NMNAT2: variants seen among roughly 807,000 people sequenced by gnomAD.
NMNAT2 encodes nicotinamide/nicotinic acid mononucleotide adenylyltransferase 2.
In NMNAT2, 11 loss-of-function variants were observed where a neutral mutation model predicts 41.6. The ratio of observed to expected loss-of-function variants is 0.26; its 90% confidence interval spans 0.17 to 0.44. The LOEUF (loss-of-function observed/expected upper bound fraction) is 0.44. NMNAT2 is among the 20% of genes least tolerant of loss of function. NMNAT2 has a pLI of 1.00. For synonymous variants in NMNAT2, 148 were observed against 151.2 expected (o/e 0.98, Z 0.16); for missense variants, 288 against 407.7 (o/e 0.71, Z 2.53).
In NMNAT2 at chr1:183,284,033, T is replaced by C; in HGVS notation, c.536A>G (p.Asn179Ser). The change falls in exon 7 of 11, where the codon AAT (asparagine) becomes AGT (serine). Residue 179 changes from asparagine to serine, a missense_variant. This residue lies in a region of NMNAT2 where 181 missense variants were observed against 213.7 expected (regional missense o/e 0.85). Coordinates refer to ENST00000287713, the MANE Select transcript of NMNAT2 (RefSeq NM_015039.4). ...CCGCATCACCGTGCCCAGATTGGCA[T>C]TCTCATCTAAGGAGGAAAGAAGGAA... is the stretch of plus-strand genomic sequence containing the variant. ...PVERFTFVDE[N>S]ANLGTVMRYE... 4 of 1,613,560 alleles carry C rather than the reference T, an allele frequency of 2.5e-6. No homozygotes were observed. The highest frequency in any genetic ancestry group is 3.4e-6 in the Non-Finnish European group (4 of 1,179,800).
intron 1 of NMNAT2, among the ~76,000 whole-genome samples, chr1:183,324,875 A>T (rs539299761): frequency 6.6e-6 from 1 of 152,242 alleles, no homozygotes; most frequent in African/African-American, 2.4e-5. Context: ...CTTCATCACC[A>T]TTACATGCCT....
chr1:183,252,119 C>T lies in NMNAT2; in HGVS notation c.*522G>A, dbSNP rs1346748323. On this transcript the variant is annotated 3_prime_UTR_variant, in exon 11 of 11. Coordinates refer to ENST00000287713, the MANE Select transcript of NMNAT2 (RefSeq NM_015039.4). Reference sequence around the variant, plus strand: ...AAGAACCATGGACACTGATTTCATCCAAGTTCTACAGGGAGTGAACAAAGA... The same window carrying T: ...AAGAACCATGGACACTGATTTCATCTAAGTTCTACAGGGAGTGAACAAAGA... The T allele has an allele frequency of 6.5e-6, 1 of 154,656 alleles. No individual in the cohort carries two copies. Among genetic ancestry groups the T allele is most frequent in the Admixed American group, 6.4e-5 (1 of 15,690 alleles). The allele number at this position is 154,656 out of a possible 1,614,324, so 9.6% of individuals were successfully genotyped here.
At chr1:183,392,122 A>G (rs1233400895) in intron 1 of NMNAT2, among the ~76,000 whole-genome samples, 2 of 152,150 alleles carry the variant, frequency 1.3e-5, no homozygotes, top group African/African-American at 2.4e-5. Context: ...TGCTTACTCA[A>G]CATCTCCACT....
chr1:183,322,400 C>T (rs1234493831), intron 1 of NMNAT2, among the ~76,000 whole-genome samples: 2 of 152,182 alleles, frequency 1.3e-5, no homozygotes, highest in African/African-American at 2.4e-5. Flanking sequence ...CCTTGTACTG[C>T]ACCTGCAGCC....
At chr1:183,328,415 T>C (rs1662513632) in intron 1 of NMNAT2, among the ~76,000 whole-genome samples, 1 of 152,204 alleles carries the variant, frequency 6.6e-6, no homozygotes, top group Non-Finnish European at 1.5e-5. Flanking sequence ...AGAATGCTCT[T>C]CTAGAATTTG....
intron 1 of NMNAT2, among the ~76,000 whole-genome samples, chr1:183,342,828 G>A (rs535797371): frequency 5.9e-5 from 9 of 151,800 alleles, no homozygotes; most frequent in Non-Finnish European, 1.2e-4. Flanking sequence ...TGACCTCCTG[G>A]GCTCAAGTGA....
chr1:183,417,383 T>G (rs1021523397), intron 1 of NMNAT2, among the ~76,000 whole-genome samples: 1 of 151,926 alleles, frequency 6.6e-6, no homozygotes, highest in Non-Finnish European at 1.5e-5. Context: ...CGCACATTCG[T>G]ACACACACTA....
chr1:183,367,826 G>A (rs1213071882), intron 1 of NMNAT2, among the ~76,000 whole-genome samples: 2 of 152,070 alleles, frequency 1.3e-5, no homozygotes, highest in African/African-American at 2.4e-5. Context: ...ATAAATAGAA[G>A]TGCCAATATT....
At chr1:183,274,411 A>C (rs564885833) in intron 8 of NMNAT2, among the ~76,000 whole-genome samples, 1 of 152,144 alleles carries the variant, frequency 6.6e-6, no homozygotes, top group East Asian at 2.0e-4. Flanking sequence ...TCCCGGGTTC[A>C]AGCGATTCTC....
intron 3 of NMNAT2, 41 bp from the exon 4 acceptor site, chr1:183,290,247 C>T (rs1661505948): frequency 1.4e-6 from 2 of 1,476,620 alleles, no homozygotes; most frequent in Non-Finnish European, 1.9e-6. Flanking sequence ...TTTCTGTTCT[C>T]ATATTCTTTC....
intron 1 of NMNAT2, among the ~76,000 whole-genome samples, chr1:183,417,949 C>G (rs1649301499): frequency 6.6e-6 from 1 of 152,162 alleles, no homozygotes; most frequent in Non-Finnish European, 1.5e-5. Context: ...CTCCCATCCC[C>G]CACCTTTGGC....
intron 5 of NMNAT2, among the ~76,000 whole-genome samples, chr1:183,285,608 C>T (rs886284128): frequency 5.9e-5 from 9 of 152,144 alleles, no homozygotes; most frequent in Non-Finnish European, 1.0e-4. Context: ...GGTCTCCAGG[C>T]TTGAAAAGTA....
chr1:183,318,927 C>T (rs1662306748), intron 1 of NMNAT2, among the ~76,000 whole-genome samples: 1 of 152,210 alleles, frequency 6.6e-6, no homozygotes, highest in Non-Finnish European at 1.5e-5. Flanking sequence ...GAGGTGGTAT[C>T]ATTAAGCACA....
chr1:183,350,333 C>A (rs570318194), intron 1 of NMNAT2, among the ~76,000 whole-genome samples: 1 of 152,084 alleles, frequency 6.6e-6, no homozygotes, highest in Non-Finnish European at 1.5e-5. Context: ...CCTGGTCAAC[C>A]CCTGTTAATT....
intron 1 of NMNAT2, among the ~76,000 whole-genome samples, chr1:183,400,589 A>G (rs1648780671): frequency 6.6e-6 from 1 of 152,234 alleles, no homozygotes; most frequent in Admixed American, 6.5e-5. Flanking sequence ...GAAGCAAAAA[A>G]GAGCCCGCAT....
intron 1 of NMNAT2, among the ~76,000 whole-genome samples, chr1:183,349,878 G>C (rs946762456): frequency 6.6e-6 from 1 of 152,188 alleles, no homozygotes; most frequent in Admixed American, 6.5e-5. Flanking sequence ...CCTCTGAGAA[G>C]GAAAGCTCAG....
Position 183,284,299 on chromosome 1 carries a change from C to T in NMNAT2, c.530-260G>A, listed in dbSNP as rs184631874. Among the ~76,000 whole-genome samples, 10 of 152,332 alleles carry T rather than the reference C, an allele frequency of 6.6e-5. No homozygotes were observed. In the East Asian group the frequency reaches 1.4e-3, roughly 21 times the overall value. On this transcript the variant is annotated intron_variant, in intron 6 of 10. Coordinates refer to ENST00000287713, the MANE Select transcript of NMNAT2 (RefSeq NM_015039.4). ...GACAGCCTGGCTGGGGAGCCAATGC[C>T]GAACACACACACGCTCATGCTGAGC...
rs1648371210 is a variant in NMNAT2 at position 183,389,353 on chromosome 1, C to A, written c.85+28830G>T. On this transcript the variant is annotated intron_variant, in intron 1 of 10. Coordinates refer to ENST00000287713, the MANE Select transcript of NMNAT2 (RefSeq NM_015039.4). The stretch of plus-strand genomic sequence containing the variant: ...AAGCATGGAAATTAAAAATAATATT[C>A]TCTTTCAAAAATATTTTTATTTGTT... Among the ~76,000 whole-genome samples, 3 of 152,104 alleles carry A rather than the reference C, an allele frequency of 2.0e-5. No individual in the cohort carries two copies. In the South Asian group the frequency reaches 6.2e-4, roughly 32 times the overall value.
At chr1:183,317,999 C>A (rs1662288803) in intron 1 of NMNAT2, among the ~76,000 whole-genome samples, 1 of 152,186 alleles carries the variant, frequency 6.6e-6, no homozygotes, top group Admixed American at 6.5e-5. Flanking sequence ...GTTAAAGGAG[C>A]TGTAATAGCC....
Sources: allele counts gnomAD v4.1 joint callset (sites outside exome capture counted in the v4.1 genomes callset), GRCh38; gene constraint gnomAD v4.1.1; regional missense constraint gnomAD v4.1.1; transcripts MANE v1.5; gene names NCBI Gene and HGNC (gene_info 2026-07-23, HGNC 2026-07-21).